RELCH: variants seen among roughly 807,000 people sequenced by gnomAD.
RELCH encodes RAB11 binding and LisH domain, coiled-coil and HEAT repeat containing.
In RELCH, 41 loss-of-function variants were observed where a neutral mutation model predicts 150.3. That is an observed-to-expected ratio of 0.27 (90% CI 0.21 to 0.35). The LOEUF (loss-of-function observed/expected upper bound fraction) is 0.35, where lower values mean the gene tolerates loss of function less well. Among genes scored for constraint, RELCH ranks in the 10% least tolerant of loss-of-function variants. The probability of loss-of-function intolerance (pLI) is 1.00; values close to 1 mark genes in which losing one functional copy is unlikely to be tolerated. For synonymous variants in RELCH, 478 were observed against 531.8 expected (o/e 0.90, Z 1.39); for missense variants, 1,092 against 1,467.8 (o/e 0.74, Z 4.18).
rs1013775747 is a variant in RELCH, at chr18:62,227,410, G to C, written c.980G>C (p.Gly327Ala). 1 of 1,613,256 alleles carries C rather than the reference G, an allele frequency of 6.2e-7. No homozygotes were observed. Among genetic ancestry groups the C allele is most frequent in the South Asian group, 1.1e-5 (1 of 91,072 alleles). Residue 327 changes from glycine (G) to alanine (A), a missense_variant, in exon 6 of 29, where the codon GGA becomes GCA. Around this residue, in one of 4 missense-constraint regions of RELCH, gnomAD observed 57 missense variants for 41.5 expected, o/e 1.37. Coordinates refer to ENST00000644646, the MANE Select transcript of RELCH (RefSeq NM_001346231.2). ...AAAGATCTTGTAGATGTGGCCAGTG[G>C]AGTAGAAGAAGATGAATTAGAGGCC... is the stretch of plus-strand genomic sequence containing the variant. The part of the protein sequence containing the change: ...TGKDLVDVAS[G>A]VEEDELEALT...
Position 62,227,433 on chromosome 18 carries a change from G to A in RELCH, c.1003G>A (p.Ala335Thr). The change falls in exon 6 of 29, where the codon GCC becomes ACC. Residue 335 changes from alanine (A) to threonine (T), a missense_variant. By Grantham distance (58) the Ala-to-Thr change is moderately conservative. This residue lies in a region of RELCH where 57 missense variants were observed against 41.5 expected (regional missense o/e 1.37). Transcript: ENST00000644646. Reference protein sequence around the residue: ...ASGVEEDELEALTPIISNLPP... With the variant: ...ASGVEEDELETLTPIISNLPP... ...TGGAGTAGAAGAAGATGAATTAGAG[G>A]CCCTTACACCAATTATAAGCAACCT... 3 of 1,613,180 alleles carry A rather than the reference G, an allele frequency of 1.9e-6. No homozygotes were observed. The highest frequency in any genetic ancestry group is 2.5e-6 in the Non-Finnish European group (3 of 1,179,572).
chr18:62,303,654 C>T (rs925916589), intron 28 of RELCH, among the ~76,000 whole-genome samples: 3 of 152,178 alleles, frequency 2.0e-5, no homozygotes, highest in African/African-American at 7.2e-5. Flanking sequence ...TTCAGCTGGG[C>T]TTTGAAAGAT....
intron 1 of RELCH, among the ~76,000 whole-genome samples, chr18:62,209,206 T>C (rs2040002754): frequency 6.6e-6 from 1 of 152,232 alleles, no homozygotes; most frequent in African/African-American, 2.4e-5. Flanking sequence ...CTTTGTGTTA[T>C]ATCTAAGAAA....
chr18:62,191,423 GT>G (rs1162405501), intron 1 of RELCH, among the ~76,000 whole-genome samples: 3 of 151,940 alleles, frequency 2.0e-5, no homozygotes, highest in Admixed American at 2.0e-4. Flanking sequence ...CTTTTGCACC[GT>G]TTTTTTCACC....
At chr18:62,197,004 T>G (rs1170956664) in intron 1 of RELCH, among the ~76,000 whole-genome samples, 1 of 152,170 alleles carries the variant, frequency 6.6e-6, no homozygotes, top group African/African-American at 2.4e-5. Context: ...GTGGGTAAAA[T>G]TTTGAATAAA....
intron 28 of RELCH, among the ~76,000 whole-genome samples, chr18:62,304,926 C>G (rs779959610): frequency 2.6e-5 from 4 of 152,184 alleles, no homozygotes; most frequent in Non-Finnish European, 5.9e-5. Flanking sequence ...CACAAAACTT[C>G]ATTGCAATTT....
At chr18:62,219,281 T>G (rs1415759889) in intron 2 of RELCH, among the ~76,000 whole-genome samples, 1 of 151,216 alleles carries the variant, frequency 6.6e-6, no homozygotes, top group Non-Finnish European at 1.5e-5. Flanking sequence ...GCATTTTGAG[T>G]TTTTTCCCAG....
At chr18:62,280,385 C>T (rs2044443983) in intron 23 of RELCH, 4 of 1,613,948 alleles carry the variant, frequency 2.5e-6, no homozygotes, top group Non-Finnish European at 3.4e-6. Flanking sequence ...ATGAGTGAAG[C>T]GTTAGTTGAC....
chr18:62,287,516 G>T, intron 26 of RELCH, 49 bp downstream of exon 26: 3 of 955,092 alleles, frequency 3.1e-6, no homozygotes, highest in Non-Finnish European at 5.0e-6. Flanking sequence ...ACCAATCTTA[G>T]AGTGGAACTT....
intron 20 of RELCH, among the ~76,000 whole-genome samples, chr18:62,273,328 T>A (rs2044012809): frequency 6.6e-6 from 1 of 152,116 alleles, no homozygotes; most frequent in Non-Finnish European, 1.5e-5. Flanking sequence ...GATTATTTTT[T>A]AATCAAGGTG....
At chr18:62,246,960 A>G (rs2042446593) in intron 11 of RELCH, 1 of 152,240 alleles carries the variant, frequency 6.6e-6, no homozygotes, top group Non-Finnish European at 1.5e-5. Context: ...TGTCTGAATT[A>G]AACTCCAGCC....
At chr18:62,283,106 C>A (rs2044606932) in intron 25 of RELCH, among the ~76,000 whole-genome samples, 1 of 152,050 alleles carries the variant, frequency 6.6e-6, no homozygotes, top group Non-Finnish European at 1.5e-5. Context: ...TACTGTGCTG[C>A]CTTAGAGTTT....
At chr18:62,254,424 A>G (rs910983609) in intron 12 of RELCH, among the ~76,000 whole-genome samples, 5 of 152,142 alleles carry the variant, frequency 3.3e-5, no homozygotes, top group African/African-American at 1.2e-4. Flanking sequence ...TAGACATACA[A>G]TTGATTTTTG....
intron 8 of RELCH, among the ~76,000 whole-genome samples, chr18:62,230,121 C>T (rs1460992189): frequency 6.6e-6 from 1 of 151,978 alleles, no homozygotes; most frequent in African/African-American, 2.4e-5. Flanking sequence ...GTATATGGAT[C>T]TGCAAGATTA....
intron 1 of RELCH, among the ~76,000 whole-genome samples, chr18:62,202,042 T>C (rs117615425): frequency 1.8e-3 from 269 of 152,300 alleles, no homozygotes; most frequent in East Asian, 6.2e-3. Flanking sequence ...TTCTCAGACT[T>C]GATAAAACTT....
chr18:62,234,077 C>T (rs1049084737), intron 10 of RELCH, among the ~76,000 whole-genome samples: 22 of 151,738 alleles, frequency 1.4e-4, no homozygotes, highest in African/African-American at 5.1e-4. Flanking sequence ...AGAAAAGTTG[C>T]CATTTATAAT....
In RELCH at chr18:62,228,555, T is replaced by C. The variant is rs1217797647; in HGVS notation, c.1405T>C (p.Ser469Pro). 1.2e-6 allele frequency: 2 copies of C among 1,612,550 alleles called. No homozygotes were observed. The highest frequency in any genetic ancestry group is 1.7e-6 in the Non-Finnish European group (2 of 1,179,232). ...RREREGMPPS[S>P]LSSKKTVHFD... ...AGAAAGAGAAGGAATGCCACCTTCTTCTCTATCAAGTAAAAAGACAGTTCA... is the reference window on the plus strand; with the variant it reads ...AGAAAGAGAAGGAATGCCACCTTCTCCTCTATCAAGTAAAAAGACAGTTCA... Residue 469 changes from serine to proline, a missense_variant, in exon 8 of 29, where the codon TCT becomes CCT. Ser to Pro is a moderately conservative substitution (Grantham distance 74, BLOSUM62 -1). Transcript: ENST00000644646.
At chr18:62,251,885 C>T (rs1427208902) in intron 11 of RELCH, among the ~76,000 whole-genome samples, 2 of 151,916 alleles carry the variant, frequency 1.3e-5, no homozygotes, top group African/African-American at 4.8e-5. Flanking sequence ...TACAGAAATC[C>T]CTTCACAACA....
intron 28 of RELCH, among the ~76,000 whole-genome samples, chr18:62,302,268 C>CAGGT (rs1308865126): frequency 6.6e-6 from 1 of 152,138 alleles, no homozygotes; most frequent in Non-Finnish European, 1.5e-5. Context: ...ATGTGAGGCA[C>CAGGT]AGGTAGAGAA....
Sources: allele counts gnomAD v4.1 joint callset (sites outside exome capture counted in the v4.1 genomes callset), GRCh38; gene constraint gnomAD v4.1.1; regional missense constraint gnomAD v4.1.1; transcripts MANE v1.5; gene names NCBI Gene and HGNC (gene_info 2026-07-23, HGNC 2026-07-21).